The following PRIM2 variants were observed in gnomAD, a reference collection of about 807,000 sequenced individuals.
PRIM2 encodes the protein DNA primase large subunit.
PRIM2 carries 39 observed loss-of-function variants against 67.3 expected under a neutral mutation model. The observed-to-expected ratio is 0.58, with a 90% CI of 0.45 to 0.76. PRIM2 has a LOEUF of 0.76. Among genes scored for constraint, PRIM2 ranks in the 30% least tolerant of loss-of-function variants. PRIM2 has a pLI of 0.00. For missense variants in PRIM2, 398 were observed against 598.7 expected (o/e 0.66, Z 3.50); for synonymous variants, 143 against 198.7 (o/e 0.72, Z 2.36).
intron 8 of PRIM2, among the ~76,000 whole-genome samples, chr6:57,521,303 A>C (rs1328109822): frequency 1.5e-4 from 22 of 151,026 alleles, no homozygotes; most frequent in African/African-American, 5.1e-4. Flanking sequence ...TACCCACCCA[A>C]CAAATCCAAA....
chr6:57,633,428 C>T (rs1777066750), intron 13 of PRIM2, among the ~76,000 whole-genome samples: 1 of 152,092 alleles, frequency 6.6e-6, no homozygotes, highest in Non-Finnish European at 1.5e-5. Flanking sequence ...TAAAGTTTTA[C>T]AATTATTTTT....
the PRIM2 span, among the ~76,000 whole-genome samples, chr6:57,296,861 T>G: frequency 2.5e-4 from 38 of 152,068 alleles, 1 homozygote; most frequent in Non-Finnish European, 3.1e-4. Context: ...GTCTGTAACA[T>G]TGTGTGGTGT....
At chr6:57,314,284 G>A (rs923845785), upstream of PRIM2, among the ~76,000 whole-genome samples, 10 of 152,222 alleles carry the variant, frequency 6.6e-5, no homozygotes, top group African/African-American at 1.4e-4. Flanking sequence ...GGAGGCCGAG[G>A]CAGGTGGATC....
chr6:57,547,416 A>G (rs1440859439), intron 10 of PRIM2, among the ~76,000 whole-genome samples: 3 of 152,092 alleles, frequency 2.0e-5, no homozygotes, highest in Non-Finnish European at 4.4e-5. Context: ...CTCCGTGTCT[A>G]TTGGTCCTAT....
chr6:57,453,734 A>G (rs1477960378), intron 7 of PRIM2, among the ~76,000 whole-genome samples: 3 of 152,186 alleles, frequency 2.0e-5, no homozygotes, highest in African/African-American at 7.2e-5. Flanking sequence ...ATCTGCAAAC[A>G]GGGACGATTT....
At chr6:57,632,732 T>C (rs1318459702) in intron 13 of PRIM2, among the ~76,000 whole-genome samples, 1 of 152,254 alleles carries the variant, frequency 6.6e-6, no homozygotes, top group Non-Finnish European at 1.5e-5. Context: ...CACAGCTGCC[T>C]AGAAGAACCA....
At chr6:57,301,636 T>C in the PRIM2 span, among the ~76,000 whole-genome samples, 3 of 152,278 alleles carry the variant, frequency 2.0e-5, 1 homozygote, top group Admixed American at 2.0e-4. Flanking sequence ...ACCCCATCTC[T>C]ACCAAAAATA....
At chr6:57,599,706 G>C (rs1369363058) in intron 10 of PRIM2, among the ~76,000 whole-genome samples, 21,653 of 152,212 alleles carry the variant, frequency 0.14, 2,566 homozygotes, top group African/African-American at 0.32. Flanking sequence ...GTACCAGCAT[G>C]CATGAAGAAG....
chr6:57,322,493 T>C (rs1581788556), intron 3 of PRIM2, among the ~76,000 whole-genome samples: 1 of 152,154 alleles, frequency 6.6e-6, no homozygotes, highest in Non-Finnish European at 1.5e-5. Context: ...TTCTAGATAG[T>C]GAGTTCTCAC....
intron 8 of PRIM2, among the ~76,000 whole-genome samples, chr6:57,529,235 G>A (rs1166303465): frequency 4.6e-5 from 7 of 151,946 alleles, no homozygotes; most frequent in African/African-American, 1.7e-4. Context: ...GCGTGAACCC[G>A]GGAGGCAGAG....
At chr6:57,602,434 A>T (rs1776487551) in intron 11 of PRIM2, among the ~76,000 whole-genome samples, 1 of 152,112 alleles carries the variant, frequency 6.6e-6, no homozygotes, top group Non-Finnish European at 1.5e-5. Context: ...CTCAGGGTGC[A>T]CCCTCAGTCA....
the PRIM2 span, among the ~76,000 whole-genome samples, chr6:57,226,764 G>C: frequency 6.6e-6 from 1 of 152,156 alleles, no homozygotes; most frequent in Non-Finnish European, 1.5e-5. Flanking sequence ...ATGGTTACAG[G>C]GGTGATACAG....
At chr6:57,407,960 T>C (rs1166718172) in intron 7 of PRIM2, among the ~76,000 whole-genome samples, 1 of 152,236 alleles carries the variant, frequency 6.6e-6, no homozygotes, top group African/African-American at 2.4e-5. Flanking sequence ...TTGGGAAGGT[T>C]GGGTAACTTA....
At chr6:57,287,026 A>G in the PRIM2 span, among the ~76,000 whole-genome samples, 1 of 152,254 alleles carries the variant, frequency 6.6e-6, no homozygotes, top group South Asian at 2.1e-4. Context: ...ATCACTGGCC[A>G]TTAGAGAAAT....
At chr6:57,548,114 T>A (rs1198999882) in intron 10 of PRIM2, among the ~76,000 whole-genome samples, 6 of 152,310 alleles carry the variant, frequency 3.9e-5, no homozygotes, top group Non-Finnish European at 7.3e-5. Flanking sequence ...CATTTTCTAG[T>A]GCTTATCACA....
At chr6:57,282,280 C>T in the PRIM2 span, among the ~76,000 whole-genome samples, 5 of 152,094 alleles carry the variant, frequency 3.3e-5, no homozygotes, top group African/African-American at 1.2e-4. Context: ...CCTTACTATC[C>T]GATGCTAAAC....
intron 7 of PRIM2, among the ~76,000 whole-genome samples, chr6:57,475,633 G>C (rs1399514177): frequency 2.0e-5 from 3 of 152,280 alleles, no homozygotes; most frequent in Non-Finnish European, 4.4e-5. Flanking sequence ...TCCCAGCATT[G>C]TTTTGACTGC....
At chr6:57,329,628 C>T (rs1371750468) in intron 5 of PRIM2, among the ~76,000 whole-genome samples, 1 of 152,064 alleles carries the variant, frequency 6.6e-6, no homozygotes, top group East Asian at 1.9e-4. Context: ...GGGCCTCCCC[C>T]TTTGCTTGGT....
chr6:57,308,812 T>C, the PRIM2 span, among the ~76,000 whole-genome samples: 18 of 152,206 alleles, frequency 1.2e-4, no homozygotes, highest in African/African-American at 4.3e-4. Context: ...ATTTCCTTCA[T>C]TGTGAAATAC....
Sources: gnomAD v4.1 joint callset for allele counts (sites outside exome capture counted in the v4.1 genomes callset) on GRCh38, gnomAD v4.1.1 for gene constraint, MANE v1.5 for transcripts, NCBI Gene and HGNC (gene_info 2026-07-23, HGNC 2026-07-21) for gene names.